CCDC171: variants seen among roughly 807,000 people sequenced by gnomAD.
CCDC171 encodes the protein coiled-coil domain containing 171, also known as coiled-coil domain-containing protein 171.
In CCDC171, 177 loss-of-function variants were observed where a neutral mutation model predicts 168.2. That is an observed-to-expected ratio of 1.05 (90% CI 0.93 to 1.19). The LOEUF (loss-of-function observed/expected upper bound fraction) is 1.19, where lower values mean the gene tolerates loss of function less well. Among genes scored for constraint, CCDC171 ranks in the 50% most tolerant of loss-of-function variants. The pLI is 0.00. For missense variants in CCDC171, 1,991 were observed against 1,539.0 expected (o/e 1.29, Z -4.91); for synonymous variants, 687 against 540.8 (o/e 1.27, Z -3.75).
chr9:15,946,042 T>C lies in CCDC171; in HGVS notation c.3754-25567T>C, dbSNP rs575835466. Among the ~76,000 whole-genome samples, 855 of 152,042 alleles carry C rather than the reference T, an allele frequency of 5.6e-3. 7 individuals carry two copies. Among genetic ancestry groups the C allele is most frequent in the Non-Finnish European group, 8.8e-3 (596 of 67,988 alleles). ...TATCGTTTAAGTCTTTAATCCATCTTGAATTGATTTTAGTATAAGGTGTAA... is the reference window on the plus strand; with the variant it reads ...TATCGTTTAAGTCTTTAATCCATCTCGAATTGATTTTAGTATAAGGTGTAA... On this transcript the variant is annotated intron_variant, in intron 25 of 25. Transcript: ENST00000380701.
At chr9:15,997,162 C>T (rs140623778) in intron 3 of CCDC171, among the ~76,000 whole-genome samples, 1 of 152,310 alleles carries the variant, frequency 6.6e-6, no homozygotes, top group East Asian at 1.9e-4. Context: ...AAAAGTCTTC[C>T]TTCCTGTCCA....
At chr9:16,043,330 G>A (rs1586855643) in intron 1 of CCDC171, among the ~76,000 whole-genome samples, 1 of 152,064 alleles carries the variant, frequency 6.6e-6, no homozygotes, top group Non-Finnish European at 1.5e-5. Flanking sequence ...TTGGATGACT[G>A]TTGTTAATTT....
At chr9:15,602,859 G>T (rs201808335) in intron 6 of CCDC171, among the ~76,000 whole-genome samples, 1 of 151,808 alleles carries the variant, frequency 6.6e-6, no homozygotes, top group Non-Finnish European at 1.5e-5. Flanking sequence ...AGTTTTGCCA[G>T]GTTGGCAAGG....
the CCDC171 span, among the ~76,000 whole-genome samples, chr9:16,108,119 A>G: frequency 6.6e-6 from 1 of 152,216 alleles, no homozygotes; most frequent in African/African-American, 2.4e-5. Flanking sequence ...TGGAAAATTT[A>G]CAGATTTTGG....
At chr9:15,975,547 C>A (rs1196501367), downstream of CCDC171, among the ~76,000 whole-genome samples, 1 of 152,092 alleles carries the variant, frequency 6.6e-6, no homozygotes, top group Admixed American at 6.6e-5. Flanking sequence ...AAAGGAAACA[C>A]CACCCTCACT....
At chr9:15,612,773 G>C (rs1204974241) in intron 6 of CCDC171, among the ~76,000 whole-genome samples, 1 of 152,048 alleles carries the variant, frequency 6.6e-6, no homozygotes, top group East Asian at 1.9e-4. Context: ...GCAATTTCCT[G>C]ATACTTTGGT....
chr9:15,636,891 TGA>T (rs1449131133), intron 7 of CCDC171, among the ~76,000 whole-genome samples: 2 of 152,072 alleles, frequency 1.3e-5, no homozygotes, highest in African/African-American at 4.8e-5. Context: ...GTTATAGTTG[TGA>T]GGCTGTACTA....
intron 2 of CCDC171, among the ~76,000 whole-genome samples, chr9:15,566,544 G>A (rs2039743563): frequency 6.6e-6 from 1 of 152,298 alleles, no homozygotes; most frequent in East Asian, 1.9e-4. Context: ...GGGTGACAGA[G>A]CGAGACTTTG....
chr9:15,552,925 G>T (rs934733190), upstream of CCDC171, among the ~76,000 whole-genome samples: 1 of 152,162 alleles, frequency 6.6e-6, no homozygotes, highest in Non-Finnish European at 1.5e-5. Flanking sequence ...GCTGCTTGGC[G>T]GGCGGGCTCT....
intron 6 of CCDC171, among the ~76,000 whole-genome samples, chr9:15,612,241 T>A (rs1268929473): frequency 6.6e-6 from 1 of 152,186 alleles, no homozygotes; most frequent in Non-Finnish European, 1.5e-5. Flanking sequence ...TGGCTGTAAA[T>A]CAGCTTGCTA....
chr9:15,611,715 A>T (rs2043711882), intron 6 of CCDC171, among the ~76,000 whole-genome samples: 1 of 152,016 alleles, frequency 6.6e-6, no homozygotes, highest in African/African-American at 2.4e-5. Flanking sequence ...CAGGATATGG[A>T]GGGGGATTTT....
upstream of CCDC171, among the ~76,000 whole-genome samples, chr9:16,040,133 T>C (rs1371818569): frequency 1.3e-5 from 2 of 152,158 alleles, no homozygotes; most frequent in South Asian, 2.1e-4. Flanking sequence ...ACCCCCTCAC[T>C]CCACAGTCCC....
chr9:15,862,982 T>G (rs1286596753), intron 23 of CCDC171, among the ~76,000 whole-genome samples: 2 of 151,914 alleles, frequency 1.3e-5, no homozygotes, highest in African/African-American at 4.8e-5. Context: ...ACTGGTCCTT[T>G]CTGTGCCAAG....
rs148430642 is a variant in CCDC171 at position 15,711,139 on chromosome 9, A to G, written c.1319-10630A>G. Among the ~76,000 whole-genome samples, 909 of 152,288 alleles carry G rather than the reference A, an allele frequency of 6.0e-3. 9 individuals carry two copies. Among genetic ancestry groups the G allele is most frequent in the Middle Eastern group, 0.01 (3 of 292 alleles). Reference sequence around the variant, plus strand: ...GTGGCTATTAAGTGCTTTTAATATTACTATCGTGACTAAGGAATTGAAAAT... The same window carrying G: ...GTGGCTATTAAGTGCTTTTAATATTGCTATCGTGACTAAGGAATTGAAAAT... On this transcript the variant is annotated intron_variant, in intron 11 of 25. Transcript: ENST00000380701.
At chr9:15,955,142 TGA>T (rs1829660295) in intron 25 of CCDC171, among the ~76,000 whole-genome samples, 1 of 152,188 alleles carries the variant, frequency 6.6e-6, no homozygotes, top group Non-Finnish European at 1.5e-5. Flanking sequence ...AGGATCAGCC[TGA>T]GATGTAAACT....
At chr9:15,912,042 G>T (rs1823737094) in intron 24 of CCDC171, among the ~76,000 whole-genome samples, 1 of 152,114 alleles carries the variant, frequency 6.6e-6, no homozygotes, top group Non-Finnish European at 1.5e-5. Context: ...CTCTCTTTTT[G>T]TTCCATATGA....
intron 24 of CCDC171, among the ~76,000 whole-genome samples, chr9:15,906,435 C>T (rs549043286): frequency 6.6e-6 from 1 of 152,318 alleles, no homozygotes; most frequent in East Asian, 1.9e-4. Flanking sequence ...ATGATTATCT[C>T]AATAGATGCA....
chr9:15,864,802 A>T (rs902338554), intron 23 of CCDC171, among the ~76,000 whole-genome samples: 6 of 152,128 alleles, frequency 3.9e-5, no homozygotes, highest in Non-Finnish European at 8.8e-5. Context: ...TGCAGCTAAG[A>T]GTAAAAGTAA....
chr9:15,779,057 G>A lies in CCDC171; in HGVS notation c.2988G>A (p.Glu996=), dbSNP rs769396946. ...TGGAGCGCCGCTCACTACGCTTAGA[G>A]GTCACAGAATTCAAACGAAGTGTGA... ...AEVERRSLRL[E]VTEFKRSVNE... The change falls in exon 20 of 26, where the codon GAG becomes GAA. Residue 996 remains glutamate (E), a synonymous_variant. Coordinates refer to ENST00000380701, the MANE Select transcript of CCDC171 (RefSeq NM_173550.4). The A allele has an allele frequency of 6.2e-7, 1 of 1,605,720 alleles. No homozygotes were observed. Among genetic ancestry groups the A allele is most frequent in the Non-Finnish European group, 8.5e-7 (1 of 1,176,466 alleles).
Sources: allele counts gnomAD v4.1 joint callset (sites outside exome capture counted in the v4.1 genomes callset), GRCh38; gene constraint gnomAD v4.1.1; transcripts MANE v1.5; gene names NCBI Gene and HGNC (gene_info 2026-07-23, HGNC 2026-07-21).